SUPT6H: variants seen among roughly 807,000 people sequenced by gnomAD.
SUPT6H encodes SPT6 homolog, histone chaperone and transcription elongation factor, also known as transcription elongation factor SPT6.
A neutral mutation model predicts 222.3 loss-of-function variants in SUPT6H; 11 were observed. That is an observed-to-expected ratio of 0.05 (90% confidence interval 0.03 to 0.08). The LOEUF is 0.08. SUPT6H is among the 10% of genes least tolerant of loss of function. SUPT6H has a pLI of 1.00. For synonymous variants in SUPT6H, 762 were observed against 801.2 expected (o/e 0.95, Z 0.83); for missense variants, 1,422 against 2,216.0 (o/e 0.64, Z 7.19).
At chr17:28,670,676 C>T (rs1485918954) in intron 1 of SUPT6H, among the ~76,000 whole-genome samples, 3 of 152,132 alleles carry the variant, frequency 2.0e-5, no homozygotes, top group African/African-American at 7.2e-5. Flanking sequence ...CACCTGAGGT[C>T]AGGAGTTCAA....
In SUPT6H at chr17:28,700,429, C is replaced by G. The variant is rs1239085805; in HGVS notation, c.4723C>G (p.Gln1575Glu). 1.2e-6 allele frequency: 2 copies of G among 1,614,244 alleles called. No individual in the cohort carries two copies. The highest frequency in any genetic ancestry group is 1.7e-6 in the Non-Finnish European group (2 of 1,180,048). ...SAIAAVTGQG[Q>E]NPNATPAQWA... ...CATTGCTGCGGTGACAGGCCAAGGA[C>G]AGAACCCTAATGCCACCCCAGCCCA... Residue 1575 changes from glutamine to glutamate, a missense_variant, in exon 35 of 37, where the codon CAG (glutamine) becomes GAG (glutamate). Transcript: ENST00000314616.
chr17:28,663,812 C>T (rs2072111264), intron 1 of SUPT6H, among the ~76,000 whole-genome samples: 1 of 41,506 alleles, frequency 2.4e-5, no homozygotes, highest in Admixed American at 2.3e-4. Flanking sequence ...AATCTGGCTT[C>T]TCTTCTGCCC....
At chr17:28,693,570 G>C in intron 27 of SUPT6H, 126 bp from the exon 28 acceptor site, 1 of 1,147,642 alleles carries the variant, frequency 8.7e-7, no homozygotes. Flanking sequence ...CTAAGTCATT[G>C]TGTTTTCAGA....
chr17:28,687,998 G>T, intron 23 of SUPT6H, 93 bp from the exon 24 acceptor site: 1 of 1,390,970 alleles, frequency 7.2e-7, no homozygotes, highest in South Asian at 1.8e-5. Context: ...GGGTGGGACA[G>T]AGTTTTTGTT....
At chr17:28,674,158 C>A in intron 2 of SUPT6H, 125 bp from the exon 3 acceptor site, 1 of 1,156,308 alleles carries the variant, frequency 8.6e-7, no homozygotes, top group Non-Finnish European at 1.2e-6. Flanking sequence ...TTACATGAGG[C>A]AGAAGAGTTA....
At chr17:28,676,129 GCCA>G (rs1028069800) in intron 6 of SUPT6H, 25 bp from the exon 7 acceptor site, 2 of 1,551,986 alleles carry the variant, frequency 1.3e-6, no homozygotes, top group African/African-American at 2.8e-5. Flanking sequence ...CTGAACCTGA[GCCA>G]CCTGCCTCTT....
intron 1 of SUPT6H, among the ~76,000 whole-genome samples, chr17:28,667,591 A>G (rs1332513654): frequency 6.7e-6 from 1 of 150,014 alleles, no homozygotes; most frequent in African/African-American, 2.5e-5. Flanking sequence ...TTGTAGCTTA[A>G]ACTCCACCCT....
rs778681801 is a variant in SUPT6H at position 28,681,348 on chromosome 17, C to T, written c.1442C>T (p.Ala481Val). Residue 481 changes from alanine to valine, a missense_variant, in exon 12 of 37, where the codon GCC becomes GTC. Physicochemically the swap from Ala to Val is moderately conservative, Grantham distance 64. Coordinates refer to ENST00000314616, the MANE Select transcript of SUPT6H (RefSeq NM_003170.5). ...YGRDIPKMQN[A>V]AKASRKKLKR... is the part of the protein sequence containing the mutation. ...CGAGACATCCCTAAGATGCAGAACG[C>T]CGCCAAAGCTAGCCGCAAGAAGCTG... The T allele has an allele frequency of 5.0e-6, 8 of 1,612,850 alleles. No homozygotes were observed. Among genetic ancestry groups the T allele is most frequent in the South Asian group, 4.4e-5 (4 of 90,776 alleles).
chr17:28,675,317 G>A, intron 5 of SUPT6H, 84 bp from the exon 6 acceptor site: 7 of 1,520,180 alleles, frequency 4.6e-6, no homozygotes, highest in Non-Finnish European at 6.4e-6. Flanking sequence ...TTGCTCACTG[G>A]CCACTCACAT....
rs751519403 is a variant in SUPT6H, at chr17:28,684,724, A to G, written c.2368A>G (p.Arg790Gly). ...RVLGIAFSSA[R>G]DHPVFCALVN... is the part of the protein sequence containing the mutation. ...CCTCGGCATTGCTTTCTCCTCTGCC[A>G]GGTAACAGCCTATTTTTGCCTCCCC... The change falls in exon 18 of 37, where the codon AGA (arginine) becomes GGA (glycine). Residue 790 changes from arginine to glycine, a missense_variant and splice_region_variant. Physicochemically the swap from Arg to Gly is moderately radical, Grantham distance 125. Around this residue, in one of 13 missense-constraint regions of SUPT6H, gnomAD observed 294 missense variants for 382.1 expected, o/e 0.77. Coordinates refer to ENST00000314616, the MANE Select transcript of SUPT6H (RefSeq NM_003170.5). 1 of 1,614,220 alleles carries G rather than the reference A, an allele frequency of 6.2e-7. No individual in the cohort carries two copies. The highest frequency in any genetic ancestry group is 1.1e-5 in the South Asian group (1 of 91,082).
chr17:28,686,488 T>C, intron 20 of SUPT6H, 73 bp downstream of exon 20: 4 of 1,562,212 alleles, frequency 2.6e-6, no homozygotes, highest in Non-Finnish European at 1.8e-6. Context: ...GTCTGGCATA[T>C]GCCCATAACA....
chr17:28,691,581 T>G (rs1237937636), intron 27 of SUPT6H: 1 of 153,846 alleles, frequency 6.5e-6, no homozygotes, highest in Admixed American at 6.4e-5. Context: ...CCGGGCGCAG[T>G]AGCTCACGCC....
intron 32 of SUPT6H, among the ~76,000 whole-genome samples, chr17:28,698,337 C>T (rs1178495555): frequency 6.6e-6 from 1 of 152,212 alleles, no homozygotes; most frequent in Admixed American, 6.5e-5. Context: ...AAACTGGGGG[C>T]CAGTACACTG....
At chr17:28,686,589 A>G (rs2031391067) in intron 20 of SUPT6H, 65 bp from the exon 21 acceptor site, 1 of 1,548,906 alleles carries the variant, frequency 6.5e-7, no homozygotes, top group African/African-American at 1.4e-5. Context: ...CTTCACCCCC[A>G]AGGCAGTCAT....
chr17:28,693,947 C>T, intron 28 of SUPT6H, 111 bp downstream of exon 28: 1 of 1,424,170 alleles, frequency 7.0e-7, no homozygotes, highest in Non-Finnish European at 9.7e-7. Flanking sequence ...CCAGTGGCTG[C>T]TGGTGGGAAG....
Position 28,674,965 on chromosome 17 carries a change from C to T in SUPT6H, c.346-5C>T, listed in dbSNP as rs552584871. On this transcript the variant is annotated splice_polypyrimidine_tract_variant and splice_region_variant and intron_variant, in intron 4 of 36. Transcript: ENST00000314616. ...TCCTGATAAGGCAGGTTTTCCCACC[C>T]CTAGCAAAAGTACCGGCGTGTCAAA... 1.7e-5 allele frequency: 27 copies of T among 1,613,178 alleles called. No homozygotes were observed. The Admixed American group carries it at 1.8e-4, about 11-fold the overall frequency.
chr17:28,671,369 A>G (rs1273205152), intron 1 of SUPT6H: 3 of 152,166 alleles, frequency 2.0e-5, no homozygotes, highest in Admixed American at 6.5e-5. Context: ...TGCCTCTTGT[A>G]TTGCCATTTA....
chr17:28,680,837 C>T (rs112642640), intron 11 of SUPT6H, among the ~76,000 whole-genome samples: 15,685 of 152,064 alleles, frequency 0.1, 856 homozygotes, highest in South Asian at 0.15. Context: ...TTAGTAGAGA[C>T]GGGGTTTCAC....
intron 2 of SUPT6H, 32 bp downstream of exon 2, chr17:28,673,542 A>C (rs369608990): frequency 1.3e-6 from 2 of 1,491,612 alleles, no homozygotes; most frequent in African/African-American, 1.4e-5. Context: ...GCTTCTCCCC[A>C]CTATTGCTAA....
Sources: allele counts gnomAD v4.1 joint callset (sites outside exome capture counted in the v4.1 genomes callset), GRCh38; gene constraint gnomAD v4.1.1; regional missense constraint gnomAD v4.1.1; transcripts MANE v1.5; gene names NCBI Gene and HGNC (gene_info 2026-07-23, HGNC 2026-07-21).